The following GALNT14 variants were observed in gnomAD, a reference collection of about 807,000 sequenced individuals.
GALNT14 encodes polypeptide N-acetylgalactosaminyltransferase 14, also known as UDP-GalNAc:polypeptide N-acetylgalactosaminyltransferase 14.
GALNT14 carries 60 observed loss-of-function variants against 77.5 expected under a neutral mutation model. The observed-to-expected ratio is 0.77, with a 90% CI of 0.63 to 0.96. The LOEUF (loss-of-function observed/expected upper bound fraction) is 0.96, where lower values mean the gene tolerates loss of function less well. GALNT14 is among the 40% of genes least tolerant of loss of function. The pLI is 0.00. For missense variants in GALNT14, 710 were observed against 731.0 expected (o/e 0.97, Z 0.33); for synonymous variants, 280 against 281.7 (o/e 0.99, Z 0.06).
At chr2:31,104,882 A>G (rs928488895) in intron 1 of GALNT14, among the ~76,000 whole-genome samples, 8 of 152,302 alleles carry the variant, frequency 5.3e-5, no homozygotes, top group African/African-American at 1.9e-4. Context: ...AAATTTTGCC[A>G]CTGAAATTTT....
downstream of GALNT14, among the ~76,000 whole-genome samples, chr2:30,907,994 T>C (rs1664189226): frequency 8.7e-6 from 1 of 114,820 alleles, no homozygotes; most frequent in East Asian, 2.4e-4. Context: ...GAAAAAGCCT[T>C]TGACAAAATT....
rs11314175 is a variant in GALNT14, at chr2:30,977,092, C to CTTTTTT, written c.300-10796_300-10791dup. 3.5e-4 allele frequency among the ~76,000 whole-genome samples: 47 copies of CTTTTTT among 135,122 alleles called. 3 individuals are homozygous for CTTTTTT. Among genetic ancestry groups the CTTTTTT allele is most frequent in the African/African-American group, 1.3e-3 (44 of 32,614 alleles). The allele number at this position is 135,122 out of a possible 152,430, so 88.6% of individuals were successfully genotyped here. ...CTTTATTCCATATTGGCTTTTCTGT[C>CTTTTTT]TTTTTTTTTTTTTTTGAGACAGGGT... On this transcript the variant is annotated intron_variant, in intron 2 of 14. Coordinates refer to ENST00000349752, the MANE Select transcript of GALNT14 (RefSeq NM_024572.4).
intron 1 of GALNT14, among the ~76,000 whole-genome samples, chr2:31,079,390 G>A (rs779023926): frequency 4.6e-5 from 7 of 152,150 alleles, no homozygotes; most frequent in Admixed American, 1.3e-4. Flanking sequence ...TGGCCAACCC[G>A]GAGATTCACT....
intron 1 of GALNT14, among the ~76,000 whole-genome samples, chr2:31,128,562 C>T (rs570731049): frequency 3.6e-4 from 55 of 152,298 alleles, no homozygotes; most frequent in African/African-American, 1.3e-3. Context: ...ACTCCACAAC[C>T]CTGCTGATTT....
intron 2 of GALNT14, among the ~76,000 whole-genome samples, chr2:30,969,321 C>T (rs889231449): frequency 2.6e-5 from 4 of 152,156 alleles, no homozygotes; most frequent in Admixed American, 6.5e-5. Flanking sequence ...GGGGTTAGGA[C>T]GAAGGCACTG....
At chr2:31,001,109 T>G (rs1246341390) in intron 1 of GALNT14, among the ~76,000 whole-genome samples, 1 of 152,172 alleles carries the variant, frequency 6.6e-6, no homozygotes, top group Non-Finnish European at 1.5e-5. Flanking sequence ...CGTCTCCATG[T>G]AGCCAGGCTA....
intron 9 of GALNT14, 99 bp downstream of exon 9, chr2:30,942,102 C>G: frequency 1.3e-6 from 1 of 774,188 alleles, no homozygotes; most frequent in East Asian, 2.6e-5. Context: ...GTGTCACTCT[C>G]TGACAGCTTG....
At chr2:30,913,525 T>C (rs1364488265) in intron 13 of GALNT14, among the ~76,000 whole-genome samples, 1 of 152,140 alleles carries the variant, frequency 6.6e-6, no homozygotes, top group African/African-American at 2.4e-5. Context: ...CTGACCTCCA[T>C]GGGCTGCTGA....
chr2:30,964,911 G>A (rs1281871819), intron 3 of GALNT14, among the ~76,000 whole-genome samples: 2 of 152,188 alleles, frequency 1.3e-5, no homozygotes, highest in Admixed American at 6.5e-5. Flanking sequence ...CAGGAAAAGT[G>A]TAGCCTGCAT....
chr2:30,934,632 A>T (rs545656898), intron 9 of GALNT14, among the ~76,000 whole-genome samples: 1 of 151,146 alleles, frequency 6.6e-6, no homozygotes, highest in Non-Finnish European at 1.5e-5. Context: ...GAATCTACTG[A>T]CCCCTCCCTT....
At chr2:31,132,248 TG>T (rs1191781252) in intron 1 of GALNT14, among the ~76,000 whole-genome samples, 1 of 152,100 alleles carries the variant, frequency 6.6e-6, no homozygotes, top group East Asian at 1.9e-4. Flanking sequence ...TGACCCACGG[TG>T]AATTTCTCAC....
At chr2:30,929,212 C>T (rs1665570853) in intron 11 of GALNT14, among the ~76,000 whole-genome samples, 183 bp downstream of exon 11, 1 of 152,238 alleles carries the variant, frequency 6.6e-6, no homozygotes, top group Admixed American at 6.5e-5. Flanking sequence ...CAAGAGCTGC[C>T]TAAAGCCCTG....
chr2:31,043,041 C>A (rs1292458005), intron 1 of GALNT14, among the ~76,000 whole-genome samples: 1 of 152,184 alleles, frequency 6.6e-6, no homozygotes, highest in African/African-American at 2.4e-5. Context: ...CTACTTCTCC[C>A]CTTTCTCCTC....
At chr2:31,032,810 T>C (rs574187938) in intron 1 of GALNT14, among the ~76,000 whole-genome samples, 2 of 152,166 alleles carry the variant, frequency 1.3e-5, no homozygotes, top group Non-Finnish European at 2.9e-5. Context: ...TGCACACAGA[T>C]GCCAGGAAGC....
intron 13 of GALNT14, among the ~76,000 whole-genome samples, chr2:30,916,853 T>C (rs1431364742): frequency 6.6e-6 from 1 of 151,554 alleles, no homozygotes; most frequent in Non-Finnish European, 1.5e-5. Flanking sequence ...CTGAGATGGG[T>C]GGATCACGAG....
At chr2:30,996,353 G>A (rs1670029805) in intron 1 of GALNT14, among the ~76,000 whole-genome samples, 1 of 152,258 alleles carries the variant, frequency 6.6e-6, no homozygotes, top group Non-Finnish European at 1.5e-5. Flanking sequence ...AGCAGGTCAT[G>A]GAGAAAACGT....
chr2:30,890,227 T>C, the GALNT14 span, among the ~76,000 whole-genome samples: 1 of 152,192 alleles, frequency 6.6e-6, no homozygotes, highest in African/African-American at 2.4e-5. Flanking sequence ...CAGATTTCTC[T>C]CTGGGAAGAT....
intron 9 of GALNT14, among the ~76,000 whole-genome samples, chr2:30,932,505 C>G (rs775199122): frequency 1.3e-5 from 2 of 152,178 alleles, no homozygotes; most frequent in Admixed American, 1.3e-4. Context: ...AAAGGAGGAG[C>G]CTTGGGGGCA....
At chr2:30,990,812 C>T (rs1669651587) in intron 2 of GALNT14, among the ~76,000 whole-genome samples, 4 of 152,220 alleles carry the variant, frequency 2.6e-5, no homozygotes, top group South Asian at 4.1e-4. Flanking sequence ...GGGCAAGGCT[C>T]GTGCCCTGAG....
Sources: gnomAD v4.1 joint callset for allele counts (sites outside exome capture counted in the v4.1 genomes callset) on GRCh38, gnomAD v4.1.1 for gene constraint, MANE v1.5 for transcripts, NCBI Gene and HGNC (gene_info 2026-07-23, HGNC 2026-07-21) for gene names.